Variants in GRIN3A observed in about 807,000 individuals in gnomAD.
The protein encoded by GRIN3A is glutamate ionotropic receptor NMDA type subunit 3A.
A neutral mutation model predicts 92.4 loss-of-function variants in GRIN3A; 47 were observed. The observed-to-expected ratio is 0.51, with a 90% CI of 0.40 to 0.65. The LOEUF is 0.65. Among genes scored for constraint, GRIN3A ranks in the 30% least tolerant of loss-of-function variants. The pLI is 0.00. For synonymous variants in GRIN3A, 527 were observed against 540.6 expected (o/e 0.97, Z 0.35); for missense variants, 1,324 against 1,393.1 (o/e 0.95, Z 0.79).
In GRIN3A at chr9:101,615,005, G is replaced by C. The variant is rs528586432; in HGVS notation, c.2615-1478C>G. Among the ~76,000 whole-genome samples, 18 of 152,110 alleles carry C rather than the reference G, an allele frequency of 1.2e-4. No homozygotes were observed. In the East Asian group the frequency reaches 3.3e-3, roughly 28 times the overall value. On this transcript the variant is annotated intron_variant, in intron 5 of 8. Transcript: ENST00000361820. ...TGCAGGGCAAGGGAGGCAGGGGAAG[G>C]AATGAGGGAGGAACATAAAAATGGA...
At chr9:101,580,392 T>C (rs544907875) in intron 6 of GRIN3A, among the ~76,000 whole-genome samples, 15 of 152,320 alleles carry the variant, frequency 9.8e-5, no homozygotes, top group Middle Eastern at 3.4e-3. Context: ...GCCAAGGCCC[T>C]GGGTCTGGAC....
intron 1 of GRIN3A, among the ~76,000 whole-genome samples, chr9:101,699,495 T>A (rs764533929): frequency 9.2e-5 from 14 of 152,260 alleles, no homozygotes; most frequent in Admixed American, 2.0e-4. Context: ...GTATATGTGG[T>A]CCATGAATGT....
chr9:101,610,726 G>T (rs1828354431), intron 6 of GRIN3A, among the ~76,000 whole-genome samples: 1 of 152,086 alleles, frequency 6.6e-6, no homozygotes, highest in Admixed American at 6.5e-5. Context: ...ACAGATTTCA[G>T]TTGGGAGTTT....
chr9:101,604,646 G>A (rs1329829067), intron 6 of GRIN3A, among the ~76,000 whole-genome samples: 1 of 152,202 alleles, frequency 6.6e-6, no homozygotes, highest in Non-Finnish European at 1.5e-5. Context: ...ATGGAAAAGA[G>A]AAGGGGTAGG....
rs544973691 is a variant in GRIN3A, at chr9:101,631,775, A to G, written c.2353-3374T>C. ...GCAAATAAGCAGACTCCAGGAGAGA[A>G]AGCATCTTATTAGCCTGACAGGGAC... is the stretch of plus-strand genomic sequence containing the variant. On this transcript the variant is annotated intron_variant, in intron 3 of 8. Transcript: ENST00000361820. Among the ~76,000 whole-genome samples the G allele has an allele frequency of 7.9e-5, 12 of 152,310 alleles. No individual in the cohort carries two copies. In the South Asian group the frequency reaches 2.5e-3, roughly 32 times the overall value.
intron 3 of GRIN3A, among the ~76,000 whole-genome samples, chr9:101,663,093 C>T (rs1019866479): frequency 5.3e-5 from 8 of 151,816 alleles, no homozygotes; most frequent in Non-Finnish European, 1.0e-4. Context: ...AGTTGCACTC[C>T]CCTCTGTCTA....
Position 101,572,089 on chromosome 9 carries a change from G to A in GRIN3A, c.*1085C>T, listed in dbSNP as rs1462834333. 1 of 152,312 alleles carries A rather than the reference G, an allele frequency of 6.6e-6. No individual in the cohort carries two copies. The highest frequency in any genetic ancestry group is 1.5e-5 in the Non-Finnish European group (1 of 68,142). The allele number at this position is 152,312 out of a possible 1,614,324, so 9.4% of individuals were successfully genotyped here. A position where few individuals can be genotyped will look rare whatever the true frequency, so the allele number is the denominator to read the frequency against. ...GAGATGAGTGGGTGTGAGGATGGGGGATTGACTTGATTTTCTATACAGATA... is the reference window on the plus strand; with the variant it reads ...GAGATGAGTGGGTGTGAGGATGGGGAATTGACTTGATTTTCTATACAGATA... On this transcript the variant is annotated 3_prime_UTR_variant, in exon 9 of 9. Transcript: ENST00000361820.
At chr9:101,583,887 CACTCTGAGGCTCATACTAGAGTGCAATG>C (rs1033973345) in intron 6 of GRIN3A, among the ~76,000 whole-genome samples, 2 of 152,112 alleles carry the variant, frequency 1.3e-5, no homozygotes, top group Non-Finnish European at 2.9e-5. Context: ...GACAGAGTCT[CACTCTGAGGCTCATACTAGAGTGCAATG>C]GCACAGTCTT....
intron 2 of GRIN3A, among the ~76,000 whole-genome samples, chr9:101,675,787 A>G (rs1010026433): frequency 1.3e-5 from 2 of 151,912 alleles, no homozygotes; most frequent in African/African-American, 4.8e-5. Context: ...TTTTGGGTAA[A>G]TATTCTATGT....
chr9:101,667,798 A>G (rs1431565068), intron 3 of GRIN3A, among the ~76,000 whole-genome samples: 1 of 152,042 alleles, frequency 6.6e-6, no homozygotes, highest in Non-Finnish European at 1.5e-5. Flanking sequence ...GAAAACTAAA[A>G]AATTCTATCA....
intron 1 of GRIN3A, among the ~76,000 whole-genome samples, chr9:101,698,033 A>T (rs1002633356): frequency 6.6e-6 from 1 of 152,196 alleles, no homozygotes; most frequent in Non-Finnish European, 1.5e-5. Flanking sequence ...AATAAAGAAC[A>T]CACTGATTTA....
At chr9:101,658,603 A>AT (rs1348187779) in intron 3 of GRIN3A, among the ~76,000 whole-genome samples, 3 of 151,780 alleles carry the variant, frequency 2.0e-5, no homozygotes, top group Non-Finnish European at 4.4e-5. Context: ...GTTTTTTGGC[A>AT]TTTTTTAGGC....
chr9:101,713,079 A>T (rs1829900241), intron 1 of GRIN3A, among the ~76,000 whole-genome samples: 1 of 152,262 alleles, frequency 6.6e-6, no homozygotes, highest in South Asian at 2.1e-4. Context: ...AAAGACTTCC[A>T]TCCCTTTCCT....
At chr9:101,625,248 A>G (rs1159275349) in intron 4 of GRIN3A, among the ~76,000 whole-genome samples, 3 of 152,214 alleles carry the variant, frequency 2.0e-5, no homozygotes, top group African/African-American at 7.2e-5. Context: ...AGTTGTCCAA[A>G]CAGCTTTGCA....
chr9:101,670,362 C>A lies in GRIN3A; in HGVS notation c.2050G>T (p.Ala684Ser). The A allele has an allele frequency of 6.2e-7, 1 of 1,614,010 alleles. No homozygotes were observed. Among genetic ancestry groups the A allele is most frequent in the Non-Finnish European group, 8.5e-7 (1 of 1,179,954 alleles). ...AGGAAGACGGCAGTGATGTGCAGAG[C>A]CACAAAAATCCCCAGCCACATTGTC... ...HWTMWLGIFV[A>S]LHITAVFLTL... Residue 684 changes from alanine to serine, a missense_variant, in exon 3 of 9, where the codon GCT (alanine) becomes TCT (serine). Ala to Ser is a moderately conservative substitution (Grantham distance 99). Transcript: ENST00000361820.
At chr9:101,669,432 G>A (rs183598258) in intron 3 of GRIN3A, among the ~76,000 whole-genome samples, 1 of 152,162 alleles carries the variant, frequency 6.6e-6, no homozygotes, top group Admixed American at 6.5e-5. Context: ...CTTCTTGAAT[G>A]TCCTTGGACT....
At chr9:101,700,707 G>A (rs564494423) in intron 1 of GRIN3A, among the ~76,000 whole-genome samples, 16 of 152,136 alleles carry the variant, frequency 1.1e-4, no homozygotes, top group African/African-American at 3.9e-4. Context: ...TATCAATATT[G>A]GGTCAACTTT....
intron 3 of GRIN3A, among the ~76,000 whole-genome samples, chr9:101,653,971 T>A (rs1829048097): frequency 6.6e-6 from 1 of 151,842 alleles, no homozygotes; most frequent in African/African-American, 2.4e-5. Context: ...ACTTGTGTGG[T>A]TAGGAGCTCT....
chr9:101,572,829 T>C lies in GRIN3A; in HGVS notation c.*345A>G, dbSNP rs1037861446. On this transcript the variant is annotated 3_prime_UTR_variant, in exon 9 of 9. Coordinates refer to ENST00000361820, the MANE Select transcript of GRIN3A (RefSeq NM_133445.3). ...AAGTGTGAGTAACAATTTTATCTCT[T>C]GTTGGTAGTGCAGAGAAAGGGCTAA... 4 of 305,640 alleles carry C rather than the reference T, an allele frequency of 1.3e-5. No homozygotes were observed. Among genetic ancestry groups the C allele is most frequent in the Non-Finnish European group, 2.6e-5 (4 of 156,816 alleles). The allele number at this position is 305,640 out of a possible 1,614,324, so 18.9% of individuals were successfully genotyped here. A position where few individuals can be genotyped will look rare whatever the true frequency, so the allele number is the denominator to read the frequency against.
Sources: gnomAD v4.1 joint callset for allele counts (sites outside exome capture counted in the v4.1 genomes callset) on GRCh38, gnomAD v4.1.1 for gene constraint, MANE v1.5 for transcripts, NCBI Gene and HGNC (gene_info 2026-07-23, HGNC 2026-07-21) for gene names.